MYO16: variants seen among roughly 807,000 people sequenced by gnomAD.
MYO16 encodes the protein myosin XVI, also known as unconventional myosin-XVI.
A neutral mutation model predicts 205.3 loss-of-function variants in MYO16; 94 were observed. The ratio of observed to expected loss-of-function variants is 0.46; its 90% CI spans 0.39 to 0.54. MYO16 has a LOEUF of 0.54. MYO16 is among the 20% of genes least tolerant of loss of function. MYO16 has a pLI of 0.00. For synonymous variants in MYO16, 988 were observed against 954.0 expected (o/e 1.04, Z -0.66); for missense variants, 2,315 against 2,387.5 (o/e 0.97, Z 0.63).
chr13:109,159,444 G>C (rs900113665), intron 32 of MYO16, among the ~76,000 whole-genome samples: 3 of 92,690 alleles, frequency 3.2e-5, no homozygotes, highest in Non-Finnish European at 6.7e-5. Context: ...CTTTCAGAAA[G>C]AGAATTTCTA....
chr13:109,062,657 A>T (rs1171622232), intron 27 of MYO16, among the ~76,000 whole-genome samples: 1 of 152,164 alleles, frequency 6.6e-6, no homozygotes, highest in African/African-American at 2.4e-5. Flanking sequence ...TCATAGAGAG[A>T]TTATCAGTTT....
chr13:108,979,823 T>C (rs1171024780), intron 20 of MYO16, among the ~76,000 whole-genome samples: 1 of 152,150 alleles, frequency 6.6e-6, no homozygotes. Context: ...ATTGGGGTTT[T>C]ACCAAAGTAT....
At chr13:108,991,407 A>G (rs1356148594) in intron 20 of MYO16, among the ~76,000 whole-genome samples, 2 of 152,246 alleles carry the variant, frequency 1.3e-5, no homozygotes, top group Non-Finnish European at 2.9e-5. Flanking sequence ...TTATCCTTCA[A>G]AAGTTCTGCT....
chr13:108,711,942 G>T (rs1398335760), intron 2 of MYO16, among the ~76,000 whole-genome samples: 1 of 152,222 alleles, frequency 6.6e-6, no homozygotes, highest in African/African-American at 2.4e-5. Flanking sequence ...TTGGGGGATT[G>T]AAGAACCTTT....
intron 13 of MYO16, 72 bp from the exon 14 acceptor site, chr13:108,888,300 C>G (rs1280416815): frequency 1.9e-6 from 2 of 1,049,468 alleles, no homozygotes; most frequent in African/African-American, 1.7e-5. Flanking sequence ...AAAGTAGTTT[C>G]AAAGGAACAA....
At chr13:109,124,589 A>G (rs1261664078) in intron 29 of MYO16, among the ~76,000 whole-genome samples, 1 of 152,214 alleles carries the variant, frequency 6.6e-6, no homozygotes, top group Non-Finnish European at 1.5e-5. Context: ...GTCCTTTCCC[A>G]GAGAGCAGGA....
chr13:108,792,493 C>G (rs964494954), intron 5 of MYO16, among the ~76,000 whole-genome samples: 1 of 147,338 alleles, frequency 6.8e-6, no homozygotes, highest in Non-Finnish European at 1.5e-5. Flanking sequence ...TCATAGTTTT[C>G]CAGTTTTTAT....
At chr13:109,166,540 A>G (rs1878676721) in intron 33 of MYO16, 1 of 152,246 alleles carries the variant, frequency 6.6e-6, no homozygotes, top group South Asian at 2.1e-4. Context: ...AGCAGAAGAA[A>G]GACTTGGTGA....
the MYO16 span, among the ~76,000 whole-genome samples, chr13:108,590,725 G>A: frequency 0.027 from 4,061 of 152,200 alleles, 173 homozygotes; most frequent in African/African-American, 0.091. Flanking sequence ...GAAGACAGAG[G>A]TGGAGATCGG....
intron 9 of MYO16, among the ~76,000 whole-genome samples, chr13:108,835,599 G>A (rs1200589429): frequency 1.3e-5 from 2 of 152,174 alleles, no homozygotes; most frequent in Non-Finnish European, 2.9e-5. Context: ...AAGAAGACAG[G>A]AAGATGAGGG....
At chr13:108,960,468 T>G (rs1180214807) in intron 17 of MYO16, among the ~76,000 whole-genome samples, 2 of 152,178 alleles carry the variant, frequency 1.3e-5, no homozygotes, top group Non-Finnish European at 2.9e-5. Flanking sequence ...TTAGAGATCA[T>G]TCTTTTCAAT....
At chr13:108,560,195 A>G in the MYO16 span, among the ~76,000 whole-genome samples, 1 of 152,226 alleles carries the variant, frequency 6.6e-6, no homozygotes, top group Non-Finnish European at 1.5e-5. Flanking sequence ...AAGAACTCCT[A>G]TCTATGAAGG....
intron 34 of MYO16, among the ~76,000 whole-genome samples, chr13:109,181,177 A>G (rs1037831347): frequency 6.6e-6 from 1 of 152,270 alleles, no homozygotes; most frequent in African/African-American, 2.4e-5. Context: ...CTCAGATTTC[A>G]AAGAGGCCTT....
Position 109,141,024 on chromosome 13 carries a change from G to A in MYO16, c.4812G>A (p.Pro1604=), listed in dbSNP as rs1351941463. The A allele has an allele frequency of 2.3e-6, 3 of 1,314,630 alleles. No individual in the cohort carries two copies. The highest frequency in any genetic ancestry group is 1.9e-6 in the Non-Finnish European group (2 of 1,035,630). 81.4% of individuals were successfully genotyped at this position (1,314,630 alleles called of 1,614,324 possible). The change falls in exon 32 of 35, where the codon CCG becomes CCA. Residue 1604 remains proline (P), a synonymous_variant. Coordinates refer to ENST00000457511, the MANE Select transcript of MYO16 (RefSeq NM_001198950.3). This position sits in a 1 kb window ranked among gnomAD's most constrained non-coding sequence, Gnocchi z 4.1. ...CCCCGCCCCCGCCCCCGCCCGGGCC[G>A]CCCCCCGCGCCCTACAGGCCCTGCG... The part of the protein sequence containing the change: ...TPPPPPPPPG[P]PPAPYRPCAH...
At chr13:108,713,604 G>A (rs1267951466) in intron 3 of MYO16, among the ~76,000 whole-genome samples, 1 of 152,180 alleles carries the variant, frequency 6.6e-6, no homozygotes, top group Non-Finnish European at 1.5e-5. Context: ...TGACCGCTGG[G>A]AGTTGTTAAG....
At chr13:108,859,676 G>A (rs982627991) in intron 11 of MYO16, among the ~76,000 whole-genome samples, 5 of 152,100 alleles carry the variant, frequency 3.3e-5, no homozygotes, top group Non-Finnish European at 4.4e-5. Context: ...GAATACAAGC[G>A]TTGCATTCTC....
At position 108,697,949 on chromosome 13, in the gene MYO16, C is replaced by T. The variant is rs1257864250; in HGVS notation, c.293-14712C>T. Among the ~76,000 whole-genome samples, 3 of 151,230 alleles carry T rather than the reference C, an allele frequency of 2.0e-5. No individual in the cohort carries two copies. In the East Asian group the frequency reaches 5.8e-4, roughly 29 times the overall value. On this transcript the variant is annotated intron_variant, in intron 2 of 34. Transcript: ENST00000457511. ...TGTTGCCAAGGCTGGTCTTGAACTCCTGGCCTCAAGTGATCCACCCGCCTT... is the reference window on the plus strand; with the variant it reads ...TGTTGCCAAGGCTGGTCTTGAACTCTTGGCCTCAAGTGATCCACCCGCCTT...
chr13:109,107,947 G>A (rs1264320150), intron 28 of MYO16, among the ~76,000 whole-genome samples: 1 of 151,524 alleles, frequency 6.6e-6, no homozygotes, highest in African/African-American at 2.4e-5. Context: ...TATAAAAGTA[G>A]TATGTATCCT....
chr13:109,076,061 G>A lies in MYO16; in HGVS notation c.3335+20466G>A, dbSNP rs142623956. Among the ~76,000 whole-genome samples the A allele has an allele frequency of 2.1e-3, 318 of 152,228 alleles. 8 individuals are homozygous for A. Among genetic ancestry groups the A allele is most frequent in the Admixed American group, 0.019 (284 of 15,278 alleles). On this transcript the variant is annotated intron_variant, in intron 27 of 34. Coordinates refer to ENST00000457511, the MANE Select transcript of MYO16 (RefSeq NM_001198950.3). Reference sequence around the variant, plus strand: ...TTAAGTTGTGAATTTCTGTGAGTGGGTACCAGTACTCCCTTATTATCCTTT... The same window carrying A: ...TTAAGTTGTGAATTTCTGTGAGTGGATACCAGTACTCCCTTATTATCCTTT...
Sources: gnomAD v4.1 joint callset for allele counts (sites outside exome capture counted in the v4.1 genomes callset) on GRCh38, gnomAD v4.1.1 for gene constraint, Gnocchi (gnomAD v3.1) non-coding constraint, MANE v1.5 for transcripts, NCBI Gene and HGNC (gene_info 2026-07-23, HGNC 2026-07-21) for gene names.